Variants in PACC1 observed in about 807,000 individuals in gnomAD.
PACC1 encodes proton-activated chloride channel.
In PACC1, 34 loss-of-function variants were observed where a neutral mutation model predicts 39.7. The ratio of observed to expected loss-of-function variants is 0.86; its 90% CI spans 0.65 to 1.14. The LOEUF (loss-of-function observed/expected upper bound fraction) is 1.14, where lower values mean the gene tolerates loss of function less well. Ranked by LOEUF, PACC1 falls within the 50% of genes most tolerant of loss-of-function variation. The pLI, the probability that PACC1 is intolerant of heterozygous loss-of-function variation, is 0.00. For missense variants in PACC1, 379 were observed against 436.4 expected (o/e 0.87, Z 1.17); for synonymous variants, 127 against 160.6 (o/e 0.79, Z 1.58).
intron 6 of PACC1, among the ~76,000 whole-genome samples, chr1:212,375,518 T>C (rs1255131003): frequency 6.6e-6 from 1 of 152,136 alleles, no homozygotes; most frequent in Non-Finnish European, 1.5e-5. Flanking sequence ...TCTGGGGAAA[T>C]GGGATCTGTG....
chr1:212,389,671 T>A (rs1013279316), intron 2 of PACC1, among the ~76,000 whole-genome samples: 1 of 152,054 alleles, frequency 6.6e-6, no homozygotes, highest in African/African-American at 2.4e-5. Context: ...GAATAAGGAA[T>A]AAAGACAAGA....
At chr1:212,388,054 C>CA (rs57874166) in intron 2 of PACC1, among the ~76,000 whole-genome samples, 30,626 of 100,164 alleles carry the variant, frequency 0.31, 5,362 homozygotes, top group African/African-American at 0.54. Context: ...AACTCCATCT[C>CA]AAAAAAAAAA....
At chr1:212,365,784 GA>G (rs1432748220) in intron 7 of PACC1, among the ~76,000 whole-genome samples, 1 of 152,156 alleles carries the variant, frequency 6.6e-6, no homozygotes, top group Non-Finnish European at 1.5e-5. Context: ...GATTCTGAAA[GA>G]AAGCTGTTTT....
At chr1:212,366,075 A>T (rs1259427397) in intron 7 of PACC1, among the ~76,000 whole-genome samples, 1 of 152,076 alleles carries the variant, frequency 6.6e-6, no homozygotes, top group African/African-American at 2.4e-5. Context: ...AGGTTTACTC[A>T]TCCTTCAAAG....
intron 5 of PACC1, among the ~76,000 whole-genome samples, chr1:212,379,450 C>T (rs1660795244): frequency 6.6e-6 from 1 of 152,174 alleles, no homozygotes; most frequent in Non-Finnish European, 1.5e-5. Context: ...ACCCCAAACC[C>T]CAAGTTGTTC....
intron 7 of PACC1, 54 bp from the exon 8 acceptor site, chr1:212,365,430 T>TA: frequency 2.9e-5 from 6 of 204,020 alleles, no homozygotes; most frequent in Non-Finnish European, 4.5e-5. Context: ...GTCTTGATTC[T>TA]TTTTTTTTTT....
intron 2 of PACC1, 95 bp downstream of exon 2, chr1:212,410,329 AG>A: frequency 9.4e-7 from 1 of 1,062,116 alleles, no homozygotes; most frequent in Non-Finnish European, 1.5e-6. Context: ...ACCAGGGTGC[AG>A]GGAAGGGGGC....
At chr1:212,403,903 C>G (rs1053109498) in intron 2 of PACC1, among the ~76,000 whole-genome samples, 1 of 152,018 alleles carries the variant, frequency 6.6e-6, no homozygotes, top group Admixed American at 6.6e-5. Flanking sequence ...GGCTCCATCT[C>G]TATGTAGTAT....
At chr1:212,405,193 A>G (rs1408027919) in intron 2 of PACC1, among the ~76,000 whole-genome samples, 1 of 152,108 alleles carries the variant, frequency 6.6e-6, no homozygotes, top group African/African-American at 2.4e-5. Context: ...CTCTTGCTCT[A>G]AATCTCCACT....
intron 2 of PACC1, among the ~76,000 whole-genome samples, chr1:212,394,078 C>T (rs1259308407): frequency 1.3e-5 from 2 of 152,162 alleles, no homozygotes; most frequent in Non-Finnish European, 2.9e-5. Flanking sequence ...TCCTCCCTAA[C>T]TCATTTTATG....
At chr1:212,414,210 G>T in intron 1 of PACC1, 1 of 1,008,518 alleles carries the variant, frequency 9.9e-7, no homozygotes, top group Non-Finnish European at 1.4e-6. Context: ...TTCAAAGTTA[G>T]GTGGTCACCA....
At chr1:212,369,972 A>G (rs1281667884) in intron 7 of PACC1, among the ~76,000 whole-genome samples, 2 of 152,200 alleles carry the variant, frequency 1.3e-5, no homozygotes, top group Non-Finnish European at 2.9e-5. Context: ...GTAAATATGT[A>G]TGCATCCAGT....
At chr1:212,414,239 CT>C (rs1662243975) in intron 1 of PACC1, among the ~76,000 whole-genome samples, 1 of 152,222 alleles carries the variant, frequency 6.6e-6, no homozygotes, top group Admixed American at 6.5e-5. Context: ...GTAATCAATC[CT>C]GTCACCAGCC....
intron 2 of PACC1, among the ~76,000 whole-genome samples, chr1:212,408,963 G>A (rs1256487757): frequency 2.6e-5 from 4 of 152,200 alleles, no homozygotes; most frequent in African/African-American, 4.8e-5. Context: ...AGCAGTGAGT[G>A]AGCATTACCA....
At chr1:212,382,044 G>GT (rs58216111) in intron 4 of PACC1, among the ~76,000 whole-genome samples, 41 of 147,060 alleles carry the variant, frequency 2.8e-4, no homozygotes, top group East Asian at 4.0e-4. Flanking sequence ...GAGTGTTCTT[G>GT]TTTTTTTTTT....
intron 7 of PACC1, 124 bp from the exon 8 acceptor site, chr1:212,365,500 G>A (rs1043652726): frequency 1.3e-5 from 13 of 1,018,390 alleles, no homozygotes; most frequent in Non-Finnish European, 1.8e-5. Context: ...GCGCAATCTC[G>A]GCTCAGTGCA....
chr1:212,371,090 C>T (rs1445268124), intron 7 of PACC1, among the ~76,000 whole-genome samples: 1 of 151,594 alleles, frequency 6.6e-6, no homozygotes, highest in Non-Finnish European at 1.5e-5. Context: ...ACTAAAAATA[C>T]AAAAATTGGC....
chr1:212,368,463 C>T (rs1191822139), intron 7 of PACC1, among the ~76,000 whole-genome samples: 20 of 152,014 alleles, frequency 1.3e-4, no homozygotes. Context: ...TCTGAGGAAA[C>T]TCCAGGAACT....
At chr1:212,389,597 C>G (rs548498370) in intron 2 of PACC1, among the ~76,000 whole-genome samples, 28 of 152,174 alleles carry the variant, frequency 1.8e-4, no homozygotes, top group Non-Finnish European at 3.5e-4. Flanking sequence ...GAAACCAACA[C>G]CAAGATGACC....
Sources: allele counts gnomAD v4.1 joint callset (sites outside exome capture counted in the v4.1 genomes callset), GRCh38; gene constraint gnomAD v4.1.1; transcripts MANE v1.5; gene names NCBI Gene and HGNC (gene_info 2026-07-23, HGNC 2026-07-21).